JUNB: variants seen among roughly 807,000 people sequenced by gnomAD.
JUNB encodes the protein JunB proto-oncogene, AP-1 transcription factor subunit.
In JUNB, 6 loss-of-function variants were observed where a neutral mutation model predicts 16.4. That is an observed-to-expected ratio of 0.37 (90% confidence interval 0.20 to 0.72). The LOEUF is 0.72. Ranked by LOEUF, JUNB falls within the 30% of genes least tolerant of loss-of-function variation. The probability of loss-of-function intolerance (pLI) is 0.53; values close to 1 mark genes in which losing one functional copy is unlikely to be tolerated. For synonymous variants in JUNB, 226 were observed against 232.8 expected (o/e 0.97, Z 0.27); for missense variants, 389 against 492.9 (o/e 0.79, Z 2.00).
Position 12,792,144 on chromosome 19 carries a change from G to A in JUNB, c.373G>A (p.Gly125Arg). Reference protein sequence around the residue: ...GGSGGGAGGAGGGVTEEQEGF... With the variant: ...GGSGGGAGGARGGVTEEQEGF... The stretch of plus-strand genomic sequence containing the variant: ...CAGCGGTGGAGGTGCAGGGGGCGCA[G>A]GGGGCGGCGTCACCGAGGAGCAGGA... The change falls in exon 1 of 1, where the codon GGG becomes AGG. Residue 125 changes from glycine to arginine, a missense_variant. Physicochemically the swap from Gly to Arg is moderately radical, Grantham distance 125 (BLOSUM62 -2). Coordinates refer to ENST00000302754, the MANE Select transcript of JUNB (RefSeq NM_002229.3). 6.3e-7 allele frequency: 1 copy of A among 1,596,952 alleles called. No individual in the cohort carries two copies. The highest frequency in any genetic ancestry group is 1.1e-5 in the South Asian group (1 of 89,326).
chr19:12,792,865 A>C lies in JUNB; in HGVS notation c.*50A>C. 1.3e-6 allele frequency: 2 copies of C among 1,550,834 alleles called. No individual in the cohort carries two copies. Among genetic ancestry groups the C allele is most frequent in the Non-Finnish European group, 8.8e-7 (1 of 1,142,644 alleles). The stretch of plus-strand genomic sequence containing the variant: ...CCCCCTCGCTTGGACGGCTGGGCAC[A>C]CGCCTCCCACTGGGGTCCAGGGAGC... On this transcript the variant is annotated 3_prime_UTR_variant, in exon 1 of 1. Coordinates refer to ENST00000302754, the MANE Select transcript of JUNB (RefSeq NM_002229.3).
Position 12,791,765 on chromosome 19 carries a change from C to G in JUNB, c.-7C>G, listed in dbSNP as rs371222383. 2.5e-6 allele frequency: 4 copies of G among 1,593,532 alleles called. No homozygotes were observed. In the East Asian group the frequency reaches 6.7e-5, roughly 27 times the overall value. ...GGGACCCTCCCCAGACCGCCTGGGC[C>G]GCCCGGATGTGCACTAAAATGGAAC... On this transcript the variant is annotated 5_prime_UTR_variant, in exon 1 of 1. Transcript: ENST00000302754. This position sits in a 1 kb window ranked among gnomAD's most constrained non-coding sequence, Gnocchi z 7.0.
In JUNB at chr19:12,792,142, C is replaced by A; in HGVS notation, c.371C>A (p.Ala124Glu). ...GGCAGCGGTGGAGGTGCAGGGGGCG[C>A]AGGGGGCGGCGTCACCGAGGAGCAG... ...GGGSGGGAGGAGGGVTEEQEG... is the reference protein window; with the variant it reads ...GGGSGGGAGGEGGGVTEEQEG... Residue 124 changes from alanine to glutamate, a missense_variant, in exon 1 of 1, where the codon GCA becomes GAA. Ala to Glu is a moderately radical substitution (Grantham distance 107). Around this residue, in one of 2 missense-constraint regions of JUNB, gnomAD observed 349 missense variants for 389.8 expected, o/e 0.90. Coordinates refer to ENST00000302754, the MANE Select transcript of JUNB (RefSeq NM_002229.3). 6.3e-7 allele frequency: 1 copy of A among 1,597,000 alleles called. No homozygotes were observed. The highest frequency in any genetic ancestry group is 2.3e-5 in the East Asian group (1 of 44,238).
In JUNB at chr19:12,791,580, G is replaced by A. The variant is rs1968715311; in HGVS notation, c.-192G>A. On this transcript the variant is annotated 5_prime_UTR_variant, in exon 1 of 1. Coordinates refer to ENST00000302754, the MANE Select transcript of JUNB (RefSeq NM_002229.3). The surrounding 1 kb of genome is among the most constrained non-coding windows in gnomAD (Gnocchi z 7.0). ...GGAAAGCTATCGCGCCAGAGAGGGC[G>A]ACGGGGGCTCGGGAAGCCTGACAGG... 4.1e-5 allele frequency: 21 copies of A among 514,938 alleles called. No individual in the cohort carries two copies. The East Asian group carries it at 6.9e-4, about 17-fold the overall frequency. 31.9% of individuals were successfully genotyped at this position (514,938 alleles called of 1,614,324 possible).
Position 12,792,349 on chromosome 19 carries a change from C to G in JUNB, c.578C>G (p.Ala193Gly). 1.3e-6 allele frequency: 2 copies of G among 1,539,430 alleles called. No individual in the cohort carries two copies. The highest frequency in any genetic ancestry group is 1.8e-6 in the Non-Finnish European group (2 of 1,141,982). Residue 193 changes from alanine to glycine, a missense_variant, in exon 1 of 1, where the codon GCG (alanine) becomes GGG (glycine). Ala to Gly is a moderately conservative substitution (Grantham distance 60). Transcript: ENST00000302754. ...CTCAGCAGCTACTCCCCAGCCTCTG[C>G]GTCCTCGGGAGGCGCCGGGGCTGCC... Reference protein sequence around the residue: ...TNLSSYSPASASSGGAGAAVG... With the variant: ...TNLSSYSPASGSSGGAGAAVG...
rs1599523902 is a variant in JUNB, at chr19:12,793,128, T to G, written c.*313T>G. Reference sequence around the variant, plus strand: ...CGGCGGAGCTGGCCCCGCCGCCTGGTACTCAAGCCCGCGGGGACATTGGGA... The same window carrying G: ...CGGCGGAGCTGGCCCCGCCGCCTGGGACTCAAGCCCGCGGGGACATTGGGA... On this transcript the variant is annotated 3_prime_UTR_variant, in exon 1 of 1. Coordinates refer to ENST00000302754, the MANE Select transcript of JUNB (RefSeq NM_002229.3). This position sits in a 1 kb window ranked among gnomAD's most constrained non-coding sequence, Gnocchi z 6.1. 1 of 287,070 alleles carries G rather than the reference T, an allele frequency of 3.5e-6. No homozygotes were observed. 17.8% of individuals were successfully genotyped at this position (287,070 alleles called of 1,614,324 possible). A position where few individuals can be genotyped will look rare whatever the true frequency, so the allele number is the denominator to read the frequency against.
rs1284014450 is a variant in JUNB at position 12,792,552 on chromosome 19, A to G, written c.781A>G (p.Ile261Val). 2 of 1,569,978 alleles carry G rather than the reference A, an allele frequency of 1.3e-6. No individual in the cohort carries two copies. The highest frequency in any genetic ancestry group is 1.7e-6 in the Non-Finnish European group (2 of 1,158,116). Residue 261 changes from isoleucine to valine, a missense_variant, in exon 1 of 1, where the codon ATC becomes GTC. Ile to Val is a conservative substitution (Grantham distance 29). Coordinates refer to ENST00000302754, the MANE Select transcript of JUNB (RefSeq NM_002229.3). ...SRDATPPVSP[I>V]NMEDQERIKV... ...GGACGCCACGCCGCCGGTGTCCCCCATCAACATGGAAGACCAAGAGCGCAT... is the reference window on the plus strand; with the variant it reads ...GGACGCCACGCCGCCGGTGTCCCCCGTCAACATGGAAGACCAAGAGCGCAT...
Position 12,791,627 on chromosome 19 carries a change from C to G in JUNB, c.-145C>G, listed in dbSNP as rs1331840210. 1.7e-6 allele frequency: 1 copy of G among 571,870 alleles called. No homozygotes were observed. The highest frequency in any genetic ancestry group is 2.9e-6 in the Non-Finnish European group (1 of 340,238). The allele number at this position is 571,870 out of a possible 1,614,324, so 35.4% of individuals were successfully genotyped here. ...CAGGGCTTTTGCGCACAGCTGCCGG[C>G]TGGCTGCTACCCGCCCGCGCCAGCC... is the stretch of plus-strand genomic sequence containing the variant. On this transcript the variant is annotated 5_prime_UTR_variant, in exon 1 of 1. Transcript: ENST00000302754. This position sits in a 1 kb window ranked among gnomAD's most constrained non-coding sequence, Gnocchi z 7.0.
At position 12,791,881 on chromosome 19, in the gene JUNB, C is replaced by A. The variant is rs761795034; in HGVS notation, c.110C>A (p.Pro37Gln). ...CTACACGACTACAAACTCCTGAAAC[C>A]GAGCCTGGCGGTCAACCTGGCCGAC... ...LSLHDYKLLK[P>Q]SLAVNLADPY... Residue 37 changes from proline (P) to glutamine (Q), a missense_variant, in exon 1 of 1, where the codon CCG (proline) becomes CAG (glutamine). Pro to Gln is a moderately conservative substitution (Grantham distance 76, BLOSUM62 -1). Transcript: ENST00000302754. This position sits in a 1 kb window ranked among gnomAD's most constrained non-coding sequence, Gnocchi z 7.0. The A allele has an allele frequency of 6.2e-6, 10 of 1,613,408 alleles. No individual in the cohort carries two copies. Among genetic ancestry groups the A allele is most frequent in the Non-Finnish European group, 3.4e-6 (4 of 1,179,914 alleles).
At position 12,791,614 on chromosome 19, in the gene JUNB, G is replaced by A. The variant is rs552455256; in HGVS notation, c.-158G>A. 5.0e-5 allele frequency: 27 copies of A among 543,518 alleles called. No individual in the cohort carries two copies. Among genetic ancestry groups the A allele is most frequent in the African/African-American group, 4.2e-4 (21 of 49,668 alleles). The allele number at this position is 543,518 out of a possible 1,614,324, so 33.7% of individuals were successfully genotyped here. ...TCGGGAAGCCTGACAGGGCTTTTGC[G>A]CACAGCTGCCGGCTGGCTGCTACCC... On this transcript the variant is annotated 5_prime_UTR_variant, in exon 1 of 1. Transcript: ENST00000302754. The surrounding 1 kb of genome is among the most constrained non-coding windows in gnomAD (Gnocchi z 7.0).
chr19:12,792,350 G>A lies in JUNB; in HGVS notation c.579G>A (p.Ala193=), dbSNP rs1358475548. 1 of 1,540,656 alleles carries A rather than the reference G, an allele frequency of 6.5e-7. No individual in the cohort carries two copies. Among genetic ancestry groups the A allele is most frequent in the South Asian group, 1.2e-5 (1 of 83,130 alleles). ...TCAGCAGCTACTCCCCAGCCTCTGCGTCCTCGGGAGGCGCCGGGGCTGCCG... is the reference window on the plus strand; with the variant it reads ...TCAGCAGCTACTCCCCAGCCTCTGCATCCTCGGGAGGCGCCGGGGCTGCCG... The part of the protein sequence containing the change: ...TNLSSYSPAS[A]SSGGAGAAVG... Residue 193 remains alanine, a synonymous_variant, in exon 1 of 1, where the codon GCG becomes GCA. Coordinates refer to ENST00000302754, the MANE Select transcript of JUNB (RefSeq NM_002229.3).
rs1439488198 is a variant in JUNB at position 12,792,846 on chromosome 19, C to T, written c.*31C>T. On this transcript the variant is annotated 3_prime_UTR_variant, in exon 1 of 1. Coordinates refer to ENST00000302754, the MANE Select transcript of JUNB (RefSeq NM_002229.3). ...CCCTGCCCCTTTACGGACACCCCCT[C>T]GCTTGGACGGCTGGGCACACGCCTC... is the stretch of plus-strand genomic sequence containing the variant. The T allele has an allele frequency of 3.8e-6, 6 of 1,573,422 alleles. No homozygotes were observed. The South Asian group carries it at 4.6e-5, about 12-fold the overall frequency.
At position 12,791,521 on chromosome 19, in the gene JUNB, A is replaced by T. The variant is rs907795664; in HGVS notation, c.-251A>T. 1.1e-5 allele frequency: 5 copies of T among 443,328 alleles called. No homozygotes were observed. Among genetic ancestry groups the T allele is most frequent in the Non-Finnish European group, 2.0e-5 (5 of 250,322 alleles). The allele number at this position is 443,328 out of a possible 1,614,324, so 27.5% of individuals were successfully genotyped here. A position where few individuals can be genotyped will look rare whatever the true frequency, so the allele number is the denominator to read the frequency against. On this transcript the variant is annotated 5_prime_UTR_variant, in exon 1 of 1. Transcript: ENST00000302754. This position sits in a 1 kb window ranked among gnomAD's most constrained non-coding sequence, Gnocchi z 7.0. The stretch of plus-strand genomic sequence containing the variant: ...GAGCGGCCAGGCCAGCCTCGGAGCC[A>T]GCAGGGAGCTGGGAGCTGGGGGAAA...
At position 12,792,818 on chromosome 19, in the gene JUNB, G is replaced by C. The variant is rs548227430; in HGVS notation, c.*3G>C. The C allele has an allele frequency of 6.3e-7, 1 of 1,595,298 alleles. No individual in the cohort carries two copies. Among genetic ancestry groups the C allele is most frequent in the Non-Finnish European group, 8.6e-7 (1 of 1,165,774 alleles). On this transcript the variant is annotated 3_prime_UTR_variant, in exon 1 of 1. Coordinates refer to ENST00000302754, the MANE Select transcript of JUNB (RefSeq NM_002229.3). ...GGGTCAAGGGACACGCCTTCTGAACGTCCCCTGCCCCTTTACGGACACCCC... is the reference window on the plus strand; with the variant it reads ...GGGTCAAGGGACACGCCTTCTGAACCTCCCCTGCCCCTTTACGGACACCCC...
chr19:12,791,555 G>A lies in JUNB; in HGVS notation c.-217G>A, dbSNP rs186033622. On this transcript the variant is annotated 5_prime_UTR_variant, in exon 1 of 1. Transcript: ENST00000302754. The surrounding 1 kb of genome is among the most constrained non-coding windows in gnomAD (Gnocchi z 7.0). Reference sequence around the variant, plus strand: ...CTGGGAGCTGGGGGAAACGACGCCAGGAAAGCTATCGCGCCAGAGAGGGCG... The same window carrying A: ...CTGGGAGCTGGGGGAAACGACGCCAAGAAAGCTATCGCGCCAGAGAGGGCG... The A allele has an allele frequency of 1.4e-5, 7 of 496,896 alleles. No individual in the cohort carries two copies. The Admixed American group carries it at 2.3e-4, about 16-fold the overall frequency. 30.8% of individuals were successfully genotyped at this position (496,896 alleles called of 1,614,324 possible).
chr19:12,792,419 C>G lies in JUNB; in HGVS notation c.648C>G (p.Leu216=). The change falls in exon 1 of 1, where the codon CTC becomes CTG. Residue 216 remains leucine (L), a synonymous_variant. Transcript: ENST00000302754. ...ACCCGACGACCACCATCAGCTACCT[C>G]CCACACGCGCCGCCCTTCGCCGGTG... ...SSYPTTTISY[L]PHAPPFAGGH... 6.2e-7 allele frequency: 1 copy of G among 1,601,796 alleles called. No individual in the cohort carries two copies. Among genetic ancestry groups the G allele is most frequent in the Non-Finnish European group, 8.5e-7 (1 of 1,177,298 alleles).
At position 12,792,409 on chromosome 19, in the gene JUNB, T is replaced by C; in HGVS notation, c.638T>C (p.Ile213Thr). The C allele has an allele frequency of 5.0e-6, 8 of 1,601,308 alleles. No individual in the cohort carries two copies. Among genetic ancestry groups the C allele is most frequent in the Non-Finnish European group, 6.8e-6 (8 of 1,176,964 alleles). ...GTGSSYPTTT[I>T]SYLPHAPPFA... ...GGGAGCTCGTACCCGACGACCACCA[T>C]CAGCTACCTCCCACACGCGCCGCCC... Residue 213 changes from isoleucine (I) to threonine (T), a missense_variant, in exon 1 of 1, where the codon ATC (isoleucine) becomes ACC (threonine). Around this residue, in one of 2 missense-constraint regions of JUNB, gnomAD observed 349 missense variants for 389.8 expected, o/e 0.90. Coordinates refer to ENST00000302754, the MANE Select transcript of JUNB (RefSeq NM_002229.3).
chr19:12,792,232 C>T lies in JUNB; in HGVS notation c.461C>T (p.Pro154Leu), dbSNP rs779715555. ...CTGCACAAGATGAACCACGTGACAC[C>T]CCCCAACGTGTCCCTGGGCGCTACC... ...DDLHKMNHVT[P>L]PNVSLGATGG... The change falls in exon 1 of 1, where the codon CCC becomes CTC. Residue 154 changes from proline (P) to leucine (L), a missense_variant. Coordinates refer to ENST00000302754, the MANE Select transcript of JUNB (RefSeq NM_002229.3). 6.6e-7 allele frequency: 1 copy of T among 1,526,532 alleles called. No homozygotes were observed. The allele number at this position is 1,526,532 out of a possible 1,614,324, so 94.6% of individuals were successfully genotyped here.
chr19:12,792,573 C>T lies in JUNB; in HGVS notation c.802C>T (p.Arg268Cys). ...CCCCATCAACATGGAAGACCAAGAG[C>T]GCATCAAAGTGGAGCGCAAGCGGCT... is the stretch of plus-strand genomic sequence containing the variant. ...VSPINMEDQE[R>C]IKVERKRLRN... is the part of the protein sequence containing the mutation. The change falls in exon 1 of 1, where the codon CGC (arginine) becomes TGC (cysteine). Residue 268 changes from arginine (R) to cysteine (C), a missense_variant. Arg to Cys is a radical substitution (Grantham distance 180). Around this residue, in one of 2 missense-constraint regions of JUNB, gnomAD observed 349 missense variants for 389.8 expected, o/e 0.90. Transcript: ENST00000302754. The T allele has an allele frequency of 6.4e-7, 1 of 1,567,642 alleles. No individual in the cohort carries two copies. The highest frequency in any genetic ancestry group is 1.2e-5 in the South Asian group (1 of 86,112).
Sources: allele counts gnomAD v4.1 joint callset, GRCh38; gene constraint gnomAD v4.1.1; regional missense constraint gnomAD v4.1.1; non-coding constraint Gnocchi (gnomAD v3.1); transcripts MANE v1.5; gene names NCBI Gene and HGNC (gene_info 2026-07-23, HGNC 2026-07-21).